The following DPY19L1 variants were observed in gnomAD, a reference collection of about 807,000 sequenced individuals.
DPY19L1 encodes dpy-19 like C-mannosyltransferase 1.
A neutral mutation model predicts 96.9 loss-of-function variants in DPY19L1; 35 were observed. The ratio of observed to expected loss-of-function variants is 0.36; its 90% CI spans 0.28 to 0.48. The LOEUF (loss-of-function observed/expected upper bound fraction) is 0.48. Ranked by LOEUF, DPY19L1 falls within the 20% of genes least tolerant of loss-of-function variation. The pLI, the probability that DPY19L1 is intolerant of heterozygous loss-of-function variation, is 0.99. For missense variants in DPY19L1, 521 were observed against 777.9 expected (o/e 0.67, Z 3.93); for synonymous variants, 205 against 252.6 (o/e 0.81, Z 1.79).
At chr7:34,963,369 C>T (rs944520153) in intron 10 of DPY19L1, among the ~76,000 whole-genome samples, 2 of 152,092 alleles carry the variant, frequency 1.3e-5, no homozygotes, top group African/African-American at 4.8e-5. Context: ...AATAGAACCT[C>T]GTGCACTGTT....
At chr7:34,989,974 A>C in intron 6 of DPY19L1, 33 bp from the exon 7 acceptor site, 1 of 1,586,886 alleles carries the variant, frequency 6.3e-7, no homozygotes, top group Non-Finnish European at 8.6e-7. Flanking sequence ...TCAAATAACA[A>C]AAATTCAGGT....
At chr7:35,025,071 TATACAATACA>T (rs1182283522) in intron 1 of DPY19L1, among the ~76,000 whole-genome samples, 1 of 152,226 alleles carries the variant, frequency 6.6e-6, no homozygotes, top group Non-Finnish European at 1.5e-5. Flanking sequence ...TATTTTTATA[TATACAATACA>T]ATTAAAGTAC....
chr7:34,940,141 T>TC lies in DPY19L1; in HGVS notation c.1864+11_1864+12insG. 1 of 1,464,844 alleles carries TC rather than the reference T, an allele frequency of 6.8e-7. No homozygotes were observed. Among genetic ancestry groups the TC allele is most frequent in the Non-Finnish European group, 9.0e-7 (1 of 1,114,744 alleles). The allele number at this position is 1,464,844 out of a possible 1,614,324, so 90.7% of individuals were successfully genotyped here. On this transcript the variant is annotated intron_variant, in intron 19 of 21. Coordinates refer to ENST00000638088, the MANE Select transcript of DPY19L1 (RefSeq NM_001366673.1). Reference sequence around the variant, plus strand: ...AATAATATGACTTTTTTTTTCTTTTTTTTTTTTTTACCTGGTTTAGTACTA... The same window carrying TC: ...AATAATATGACTTTTTTTTTCTTTTTCTTTTTTTTTACCTGGTTTAGTACTA...
intron 6 of DPY19L1, among the ~76,000 whole-genome samples, chr7:35,008,833 G>A (rs139765406): frequency 9.9e-4 from 150 of 152,242 alleles, no homozygotes; most frequent in African/African-American, 3.5e-3. Flanking sequence ...AGACAGATGG[G>A]CAGTACTCAG....
At chr7:35,032,056 C>T (rs1176804708) in intron 1 of DPY19L1, among the ~76,000 whole-genome samples, 1 of 152,164 alleles carries the variant, frequency 6.6e-6, no homozygotes, top group South Asian at 2.1e-4. Context: ...TATGCCACCC[C>T]TAATATGCTC....
chr7:34,998,021 T>A (rs542668635), intron 6 of DPY19L1, among the ~76,000 whole-genome samples: 15 of 152,268 alleles, frequency 9.9e-5, no homozygotes, highest in Admixed American at 9.8e-4. Flanking sequence ...TACAGACTAA[T>A]CATCCAGGCC....
In DPY19L1 at chr7:34,973,946, CTAT is replaced by C; in HGVS notation, c.823-344_823-342del. 2.6e-5 allele frequency among the ~76,000 whole-genome samples: 4 copies of C among 152,262 alleles called. No individual in the cohort carries two copies. In the South Asian group the frequency reaches 8.3e-4, roughly 32 times the overall value. On this transcript the variant is annotated intron_variant, in intron 7 of 21. Transcript: ENST00000638088. ...AGAATATTTTGAGTTGATTATTTATCTATTGTTTGTCTTCTTTCCCATGAATTT... is the reference window on the plus strand; with the variant it reads ...AGAATATTTTGAGTTGATTATTTATCTGTTTGTCTTCTTTCCCATGAATTT...
intron 7 of DPY19L1, among the ~76,000 whole-genome samples, chr7:34,982,491 A>C (rs971025872): frequency 1.2e-4 from 18 of 152,232 alleles, no homozygotes; most frequent in African/African-American, 3.4e-4. Context: ...TTTGTTCAAA[A>C]TAAAAAGCCG....
At chr7:34,985,320 C>A (rs554702961) in intron 7 of DPY19L1, among the ~76,000 whole-genome samples, 24 of 152,040 alleles carry the variant, frequency 1.6e-4, no homozygotes, top group Non-Finnish European at 8.8e-5. Context: ...GCAAAAATAG[C>A]CAAATAGGAT....
intron 11 of DPY19L1, among the ~76,000 whole-genome samples, chr7:34,956,639 G>A (rs1784385629): frequency 6.6e-6 from 1 of 151,904 alleles, no homozygotes; most frequent in Admixed American, 6.6e-5. Context: ...GAGTAGCTGG[G>A]ACTACAGGCG....
chr7:35,019,080 G>C (rs1362094392), intron 1 of DPY19L1, among the ~76,000 whole-genome samples: 1 of 151,946 alleles, frequency 6.6e-6, no homozygotes, highest in Non-Finnish European at 1.5e-5. Context: ...GAGAAGAAAA[G>C]GTAAGAGAGA....
upstream of DPY19L1, chr7:35,037,816 A>G: frequency 8.2e-7 from 1 of 1,225,942 alleles, no homozygotes; most frequent in Non-Finnish European, 1.0e-6. Flanking sequence ...GGCTACCCAC[A>G]CCTCTTCGGC....
intron 7 of DPY19L1, among the ~76,000 whole-genome samples, chr7:34,989,644 C>CA (rs375852661): frequency 0.15 from 22,213 of 146,314 alleles, 1,892 homozygotes; most frequent in Non-Finnish European, 0.2. Flanking sequence ...ACAACAACAA[C>CA]AAAAAAAAAA....
chr7:34,968,188 A>C (rs974957792), intron 9 of DPY19L1, among the ~76,000 whole-genome samples: 2 of 152,080 alleles, frequency 1.3e-5, no homozygotes, highest in Admixed American at 6.6e-5. Flanking sequence ...GACAAGATCA[A>C]AGTAAAAAGT....
At chr7:34,997,436 CAAAAAAA>C (rs397836742) in intron 6 of DPY19L1, among the ~76,000 whole-genome samples, 13 of 91,954 alleles carry the variant, frequency 1.4e-4, no homozygotes, top group South Asian at 4.3e-4. Flanking sequence ...ACTAAAAATA[CAAAAAAA>C]AAAAAAAAAA....
intron 7 of DPY19L1, among the ~76,000 whole-genome samples, chr7:34,989,480 G>T (rs1440747101): frequency 3.3e-5 from 5 of 152,046 alleles, no homozygotes; most frequent in Non-Finnish European, 5.9e-5. Flanking sequence ...GCTGAGTGTG[G>T]TGATAAGCGT....
At chr7:34,942,098 G>T (rs554998926) in intron 17 of DPY19L1, among the ~76,000 whole-genome samples, 1 of 152,212 alleles carries the variant, frequency 6.6e-6, no homozygotes, top group African/African-American at 2.4e-5. Flanking sequence ...AAGTGTTTCT[G>T]TGATTCTCAG....
chr7:35,006,949 A>G (rs1181810149), intron 6 of DPY19L1, among the ~76,000 whole-genome samples: 1 of 152,224 alleles, frequency 6.6e-6, no homozygotes, highest in African/African-American at 2.4e-5. Flanking sequence ...TTCTCAGTAC[A>G]TAATACAATT....
chr7:35,028,828 G>A (rs1274637622), intron 1 of DPY19L1, among the ~76,000 whole-genome samples: 1 of 152,196 alleles, frequency 6.6e-6, no homozygotes, highest in African/African-American at 2.4e-5. Flanking sequence ...TCCTGGAACT[G>A]AGGGTTCCTC....
Sources: allele counts gnomAD v4.1 joint callset (sites outside exome capture counted in the v4.1 genomes callset), GRCh38; gene constraint gnomAD v4.1.1; transcripts MANE v1.5; gene names NCBI Gene and HGNC (gene_info 2026-07-23, HGNC 2026-07-21).